Variants in DCST1 observed in about 807,000 individuals in gnomAD.
The protein encoded by DCST1 is E3 ubiquitin-protein ligase DCST1.
A neutral mutation model predicts 89.1 loss-of-function variants in DCST1; 78 were observed. The ratio of observed to expected loss-of-function variants is 0.88; its 90% CI spans 0.73 to 1.06. DCST1 has a LOEUF of 1.06. Among genes scored for constraint, DCST1 ranks in the 50% least tolerant of loss-of-function variants. The pLI is 0.00. For synonymous variants in DCST1, 364 were observed against 371.9 expected (o/e 0.98, Z 0.24); for missense variants, 900 against 928.6 (o/e 0.97, Z 0.40).
Position 155,033,867 on chromosome 1 carries a change from T to C in DCST1, c.-66+13T>C. On this transcript the variant is annotated intron_variant, in intron 1 of 16. Transcript: ENST00000295542. ...GGAGAGGGGATAGGTAGGTCTCTAA[T>C]CTCCTTCCCCACTTCTCGGAGCAGA... 3 of 1,279,190 alleles carry C rather than the reference T, an allele frequency of 2.3e-6. No individual in the cohort carries two copies. Among genetic ancestry groups the C allele is most frequent in the South Asian group, 2.9e-5 (2 of 69,246 alleles). The allele number at this position is 1,279,190 out of a possible 1,614,324, so 79.2% of individuals were successfully genotyped here.
chr1:155,046,109 G>T lies in DCST1; in HGVS notation c.1273-16G>T, dbSNP rs371811794. 1 of 1,614,178 alleles carries T rather than the reference G, an allele frequency of 6.2e-7. No individual in the cohort carries two copies. Among genetic ancestry groups the T allele is most frequent in the South Asian group, 1.1e-5 (1 of 91,072 alleles). On this transcript the variant is annotated splice_polypyrimidine_tract_variant and intron_variant, in intron 11 of 16. Coordinates refer to ENST00000295542, the MANE Select transcript of DCST1 (RefSeq NM_152494.4). ...GGCCCTTGGGCTTCCTAACTGTGTG[G>T]ACATTTGTTTTCCAGGGCAAACGGA...
chr1:155,048,204 T>G, intron 16 of DCST1, 34 bp downstream of exon 16: 10 of 1,585,342 alleles, frequency 6.3e-6, no homozygotes, highest in Non-Finnish European at 8.6e-6. Flanking sequence ...TGCCAGCTCC[T>G]GGCTGGGTCT....
chr1:155,034,518 G>A lies in DCST1; in HGVS notation c.145G>A (p.Ala49Thr). The change falls in exon 3 of 17, where the codon GCT becomes ACT. Residue 49 changes from alanine to threonine, a missense_variant. Ala to Thr is a moderately conservative substitution (Grantham distance 58). Transcript: ENST00000295542. ...WRQPGEFPVT[A>T]LLLGAGAGGL... ...CCAGCCGGGCGAGTTTCCTGTCACT[G>A]CTCTCCTGCTGGGGGCAGGCGCTGG... The A allele has an allele frequency of 6.2e-7, 1 of 1,613,596 alleles. No individual in the cohort carries two copies. Among genetic ancestry groups the A allele is most frequent in the Non-Finnish European group, 8.5e-7 (1 of 1,179,858 alleles).
At position 155,047,265 on chromosome 1, in the gene DCST1, G is replaced by C. The variant is rs1301994392; in HGVS notation, c.1565G>C (p.Gly522Ala). The change falls in exon 14 of 17, where the codon GGG becomes GCG. Residue 522 changes from glycine to alanine, a missense_variant. By Grantham distance (60) the Gly-to-Ala change is moderately conservative. Transcript: ENST00000295542. ...MLARLLRKTI[G>A]ALNTSSETVM... ...GCCCGGCTTCTTCGAAAAACCATTGGGGCCCTGAACACCTCCTCAGAGACA... is the reference window on the plus strand; with the variant it reads ...GCCCGGCTTCTTCGAAAAACCATTGCGGCCCTGAACACCTCCTCAGAGACA... 3.7e-6 allele frequency: 6 copies of C among 1,614,154 alleles called. No individual in the cohort carries two copies. The highest frequency in any genetic ancestry group is 4.2e-6 in the Non-Finnish European group (5 of 1,180,024).
chr1:155,049,988 G>T (rs998659866), intron 16 of DCST1, among the ~76,000 whole-genome samples: 7 of 152,240 alleles, frequency 4.6e-5, no homozygotes, highest in African/African-American at 1.7e-4. Context: ...GAGGGCTAAA[G>T]TAGGAAAGAG....
At chr1:155,037,874 A>G (rs1163215426) in intron 4 of DCST1, among the ~76,000 whole-genome samples, 1 of 152,246 alleles carries the variant, frequency 6.6e-6, no homozygotes, top group African/African-American at 2.4e-5. Context: ...TTTGTCAACT[A>G]TTAGCCTCAG....
intron 14 of DCST1, 99 bp downstream of exon 14, chr1:155,047,411 T>A: frequency 9.2e-7 from 1 of 1,092,538 alleles, no homozygotes; most frequent in Non-Finnish European, 1.3e-6. Context: ...GCCTTGGGTG[T>A]GGAGAGATGG....
chr1:155,037,250 C>T (rs1660304631), intron 4 of DCST1, among the ~76,000 whole-genome samples: 1 of 152,126 alleles, frequency 6.6e-6, no homozygotes, highest in Non-Finnish European at 1.5e-5. Context: ...TGAGGCTCTG[C>T]ACTCAGCAGG....
intron 4 of DCST1, among the ~76,000 whole-genome samples, chr1:155,037,803 G>C (rs1660319580): frequency 6.6e-6 from 1 of 152,162 alleles, no homozygotes; most frequent in Admixed American, 6.5e-5. Flanking sequence ...TTGCTGTTTT[G>C]GTGAGCCCAA....
At chr1:155,034,969 T>C (rs1660228217) in intron 4 of DCST1, 1 of 555,582 alleles carries the variant, frequency 1.8e-6, no homozygotes, top group African/African-American at 1.9e-5. Flanking sequence ...ACCCACATGA[T>C]ATAGTCCAAC....
chr1:155,047,093 A>G, intron 13 of DCST1, 103 bp from the exon 14 acceptor site: 1 of 922,822 alleles, frequency 1.1e-6, no homozygotes, highest in Non-Finnish European at 1.8e-6. Flanking sequence ...CAGGCAGCTG[A>G]GAAGCATTTC....
At chr1:155,042,892 T>C (rs750330758) in intron 9 of DCST1, 36 bp downstream of exon 9, 15 of 1,607,708 alleles carry the variant, frequency 9.3e-6, no homozygotes, top group Non-Finnish European at 1.3e-5. Context: ...GGGGGGTAGA[T>C]AGGGAGTGGG....
At chr1:155,035,051 AATTC>A (rs34390501) in intron 4 of DCST1, 84 of 284,888 alleles carry the variant, frequency 2.9e-4, no homozygotes, top group Non-Finnish European at 4.1e-4. Context: ...TAAGAAATTA[AATTC>A]ATTCATTCAT....
At position 155,034,740 on chromosome 1, in the gene DCST1, C is replaced by G; in HGVS notation, c.262+13C>G. 6.2e-7 allele frequency: 1 copy of G among 1,613,962 alleles called. No individual in the cohort carries two copies. The highest frequency in any genetic ancestry group is 8.5e-7 in the Non-Finnish European group (1 of 1,179,932). On this transcript the variant is annotated intron_variant, in intron 4 of 16. Transcript: ENST00000295542. ...TACAGCTTGGTGGGTTAGTGCTGGG[C>G]AAAAGCCAGGAACACTCAAGCGGCC...
chr1:155,049,753 A>G (rs560465465), intron 16 of DCST1, among the ~76,000 whole-genome samples: 76 of 152,266 alleles, frequency 5.0e-4, no homozygotes, highest in African/African-American at 1.8e-3. Context: ...ATGACACACA[A>G]TAGGGGCCAA....
intron 6 of DCST1, 124 bp downstream of exon 6, chr1:155,040,748 G>A (rs1307981873): frequency 7.2e-7 from 1 of 1,390,502 alleles, no homozygotes; most frequent in Non-Finnish European, 9.6e-7. Flanking sequence ...ATTTTTTGCA[G>A]AACTATTCCC....
At chr1:155,047,379 A>T in intron 14 of DCST1, 67 bp downstream of exon 14, 1 of 1,423,536 alleles carries the variant, frequency 7.0e-7, no homozygotes, top group Admixed American at 1.8e-5. Context: ...AAAGACTCCA[A>T]GGTAAAGAGT....
Position 155,047,765 on chromosome 1 carries a change from C to T in DCST1, c.1613-22C>T, listed in dbSNP as rs1390387265. 1.9e-6 allele frequency: 3 copies of T among 1,610,904 alleles called. No homozygotes were observed. The South Asian group carries it at 3.3e-5, about 18-fold the overall frequency. On this transcript the variant is annotated intron_variant, in intron 14 of 16. Transcript: ENST00000295542. ...GCCCCTTGGCTGGTCCTGACCAGAC[C>T]CCTGGCCTGCCCCTCCCCTAGCCTG...
Position 155,050,749 on chromosome 1 carries a change from G to C in DCST1, c.2002G>C (p.Val668Leu). The C allele has an allele frequency of 1.9e-6, 3 of 1,610,906 alleles. No homozygotes were observed. Among genetic ancestry groups the C allele is most frequent in the Non-Finnish European group, 2.5e-6 (3 of 1,178,836 alleles). The change falls in exon 17 of 17, where the codon GTG becomes CTG. Residue 668 changes from valine to leucine, a missense_variant. Coordinates refer to ENST00000295542, the MANE Select transcript of DCST1 (RefSeq NM_152494.4). ...YVCRTLDCEAVYCWSCWDDMR... is the reference protein window; with the variant it reads ...YVCRTLDCEALYCWSCWDDMR... ...GTGCCGGACGCTGGACTGCGAGGCCGTGTACTGCTGGTCGTGCTGGGACGA... is the reference window on the plus strand; with the variant it reads ...GTGCCGGACGCTGGACTGCGAGGCCCTGTACTGCTGGTCGTGCTGGGACGA...
Sources: allele counts gnomAD v4.1 joint callset (sites outside exome capture counted in the v4.1 genomes callset), GRCh38; gene constraint gnomAD v4.1.1; transcripts MANE v1.5; gene names NCBI Gene and HGNC (gene_info 2026-07-23, HGNC 2026-07-21).